The following NEDD9 variants were observed in gnomAD, a reference collection of about 807,000 sequenced individuals.
The protein encoded by NEDD9 is enhancer of filamentation 1.
NEDD9 carries 26 observed loss-of-function variants against 76.6 expected under a neutral mutation model. The observed-to-expected ratio is 0.34, with a 90% confidence interval of 0.25 to 0.47. The LOEUF is 0.47. Ranked by LOEUF, NEDD9 falls within the 20% of genes least tolerant of loss-of-function variation. The pLI is 1.00. For synonymous variants in NEDD9, 392 were observed against 414.2 expected (o/e 0.95, Z 0.65); for missense variants, 937 against 1,058.5 (o/e 0.89, Z 1.59).
chr6:11,359,919 TTG>T (rs957452360), intron 1 of NEDD9, among the ~76,000 whole-genome samples: 5 of 152,192 alleles, frequency 3.3e-5, no homozygotes, highest in African/African-American at 1.2e-4. Context: ...TGGTTGACAG[TTG>T]TGTCAAAAAA....
At chr6:11,274,014 A>C (rs939632195) in intron 3 of NEDD9, among the ~76,000 whole-genome samples, 4 of 152,186 alleles carry the variant, frequency 2.6e-5, no homozygotes, top group Admixed American at 2.6e-4. Context: ...TGCAATGAAC[A>C]TGCTACGAGA....
chr6:11,188,172 G>A lies in NEDD9; in HGVS notation c.1995+46C>T, dbSNP rs754504355. On this transcript the variant is annotated intron_variant, in intron 6 of 6. Coordinates refer to ENST00000379446, the MANE Select transcript of NEDD9 (RefSeq NM_006403.4). ...TGATACCTTTCCTTAGTGCTAGGTG[G>A]GAAATCTTTCCAATGCCAAGCAGTT... The A allele has an allele frequency of 1.9e-5, 27 of 1,407,608 alleles. No individual in the cohort carries two copies. The African/African-American group carries it at 3.8e-4, about 20-fold the overall frequency. 87.2% of individuals were successfully genotyped at this position (1,407,608 alleles called of 1,614,324 possible).
In NEDD9 at chr6:11,237,870, G is replaced by C. The variant is rs1561802368; in HGVS notation, c.13-24143C>G. ...ACATCTACAGGGGAACAATCTGGAA[G>C]CTGAGTGAGTGCTAGACCAGAGGAA... On this transcript the variant is annotated intron_variant, in intron 3 of 3. Transcript: ENST00000397378. This position sits in a 1 kb window ranked among gnomAD's most constrained non-coding sequence, Gnocchi z 4.9. Among the ~76,000 whole-genome samples the C allele has an allele frequency of 6.6e-6, 1 of 152,342 alleles. No homozygotes were observed. The highest frequency in any genetic ancestry group is 2.1e-4 in the South Asian group (1 of 4,830).
chr6:11,368,706 G>A (rs1762809503), intron 1 of NEDD9, among the ~76,000 whole-genome samples: 1 of 152,196 alleles, frequency 6.6e-6, no homozygotes, highest in Admixed American at 6.5e-5. Flanking sequence ...CTTTACAGAG[G>A]TTGGGGTGAA....
At chr6:11,237,350 T>C (rs16871142), upstream of NEDD9, among the ~76,000 whole-genome samples, 4,809 of 152,284 alleles carry the variant, frequency 0.032, 256 homozygotes, top group African/African-American at 0.11. This position sits in a 1 kb window ranked among gnomAD's most constrained non-coding sequence, Gnocchi z 4.9. Flanking sequence ...AGTAAGAAGA[T>C]AAATGTAACT....
At chr6:11,199,098 G>C (rs942643510) in intron 2 of NEDD9, 7 of 152,184 alleles carry the variant, frequency 4.6e-5, no homozygotes, top group Admixed American at 4.6e-4. Flanking sequence ...AGAAACATGT[G>C]GGGGAGTGTT....
intron 2 of NEDD9, among the ~76,000 whole-genome samples, chr6:11,330,377 A>C (rs893632649): frequency 6.6e-6 from 1 of 152,208 alleles, no homozygotes. Context: ...GATCTGAAAG[A>C]TATTTTGGCG....
At position 11,324,823 on chromosome 6, in the gene NEDD9, T is replaced by G. The variant is rs910515409; in HGVS notation, c.-153+9678A>C. ...CTGACAGCCCTGAGAGGCCACACTTTCCATTTGAAAACCAAAACTTGCTTC... is the reference window on the plus strand; with the variant it reads ...CTGACAGCCCTGAGAGGCCACACTTGCCATTTGAAAACCAAAACTTGCTTC... On this transcript the variant is annotated intron_variant, in intron 2 of 3. Coordinates refer to the NEDD9 transcript ENST00000397378. Among the ~76,000 whole-genome samples the G allele has an allele frequency of 1.2e-4, 19 of 152,338 alleles. No individual in the cohort carries two copies. The East Asian group carries it at 3.5e-3, about 28-fold the overall frequency.
chr6:11,368,198 G>A (rs1762802005), intron 1 of NEDD9, among the ~76,000 whole-genome samples: 1 of 152,138 alleles, frequency 6.6e-6, no homozygotes, highest in Non-Finnish European at 1.5e-5. Flanking sequence ...GGGCTGGGGG[G>A]TACCCAGAAA....
intron 1 of NEDD9, among the ~76,000 whole-genome samples, chr6:11,338,920 CAA>C (rs34260918): frequency 0.017 from 1,355 of 77,572 alleles, 20 homozygotes; most frequent in African/African-American, 0.046. Context: ...GACTCTGTCT[CAA>C]AAAAAAAAAA....
intron 2 of NEDD9, chr6:11,201,091 G>A: frequency 6.2e-7 from 1 of 1,611,492 alleles, no homozygotes; most frequent in Non-Finnish European, 8.5e-7. Flanking sequence ...TGCTCACATT[G>A]TGTCACTTGT....
intron 3 of NEDD9, among the ~76,000 whole-genome samples, chr6:11,298,667 T>C (rs751047252): frequency 1.3e-5 from 2 of 152,216 alleles, no homozygotes; most frequent in Non-Finnish European, 2.9e-5. Flanking sequence ...TCACTATTCA[T>C]AGAGAAATTG....
intron 2 of NEDD9, among the ~76,000 whole-genome samples, chr6:11,209,386 G>A (rs548442927): frequency 6.6e-6 from 1 of 152,320 alleles, no homozygotes; most frequent in Non-Finnish European, 1.5e-5. Flanking sequence ...AGATAACTTG[G>A]AGAGTTTTTT....
intron 1 of NEDD9, among the ~76,000 whole-genome samples, chr6:11,335,024 C>T (rs941870404): frequency 1.3e-5 from 2 of 152,076 alleles, no homozygotes; most frequent in Admixed American, 6.6e-5. Context: ...GAGAAGTTGC[C>T]GAAGAACTTA....
At chr6:11,308,967 A>G (rs1318587423) in intron 2 of NEDD9, among the ~76,000 whole-genome samples, 6 of 152,248 alleles carry the variant, frequency 3.9e-5, no homozygotes, top group Non-Finnish European at 1.5e-5. Context: ...AGCAGCGTCT[A>G]AAGTATACTT....
chr6:11,281,139 G>T (rs933117502), intron 3 of NEDD9, among the ~76,000 whole-genome samples: 1 of 152,226 alleles, frequency 6.6e-6, no homozygotes. Flanking sequence ...GGCATGTTTA[G>T]AATGCCCAAA....
At chr6:11,243,680 T>A (rs1004171841) in intron 3 of NEDD9, among the ~76,000 whole-genome samples, 1 of 152,016 alleles carries the variant, frequency 6.6e-6, no homozygotes, top group African/African-American at 2.4e-5. Flanking sequence ...CTCTTGCCAA[T>A]GTGTTTCAGT....
chr6:11,306,159 A>C (rs1761179489), intron 2 of NEDD9: 1 of 843,786 alleles, frequency 1.2e-6, no homozygotes, highest in East Asian at 2.4e-5. Flanking sequence ...ACTGAATCTG[A>C]AAACAGGAGA....
At chr6:11,337,726 C>T (rs1372613419) in intron 1 of NEDD9, among the ~76,000 whole-genome samples, 1 of 152,176 alleles carries the variant, frequency 6.6e-6, no homozygotes, top group Non-Finnish European at 1.5e-5. Flanking sequence ...ATAAACATTG[C>T]TGTGTGCACA....
Sources: allele counts gnomAD v4.1 joint callset (sites outside exome capture counted in the v4.1 genomes callset), GRCh38; gene constraint gnomAD v4.1.1; non-coding constraint Gnocchi (gnomAD v3.1); transcripts MANE v1.5; gene names NCBI Gene and HGNC (gene_info 2026-07-23, HGNC 2026-07-21).